LAPTM4A: variants seen among roughly 807,000 people sequenced by gnomAD.
The protein encoded by LAPTM4A is lysosomal-associated transmembrane protein 4A.
LAPTM4A carries 19 observed loss-of-function variants against 29.9 expected under a neutral mutation model. The observed-to-expected ratio is 0.64, with a 90% CI of 0.44 to 0.93. LAPTM4A has a LOEUF of 0.93. Ranked by LOEUF, LAPTM4A falls within the 40% of genes least tolerant of loss-of-function variation. The probability of loss-of-function intolerance (pLI) is 0.00; values close to 1 mark genes in which losing one functional copy is unlikely to be tolerated. For missense variants in LAPTM4A, 293 were observed against 288.5 expected, an observed-to-expected ratio of 1.02 and a Z score of -0.11; for synonymous variants, 105 against 102.1, an observed-to-expected ratio of 1.03 and a Z score of -0.17.
At chr2:20,043,320 T>C (rs1673846659) in intron 1 of LAPTM4A, among the ~76,000 whole-genome samples, 1 of 150,366 alleles carries the variant, frequency 6.7e-6, no homozygotes, top group Non-Finnish European at 1.5e-5. Flanking sequence ...GTTCAGGCCA[T>C]TCTCACACCT....
At chr2:20,042,814 C>T (rs1036898061) in intron 1 of LAPTM4A, among the ~76,000 whole-genome samples, 11 of 152,204 alleles carry the variant, frequency 7.2e-5, no homozygotes, top group African/African-American at 2.4e-4. Context: ...AGACAGAAAT[C>T]TCACGTAGGA....
At chr2:20,038,461 T>C (rs1404799936) in intron 2 of LAPTM4A, among the ~76,000 whole-genome samples, 1 of 152,212 alleles carries the variant, frequency 6.6e-6, no homozygotes, top group Non-Finnish European at 1.5e-5. Flanking sequence ...AGTCTTGCTC[T>C]GTCGCCCAGG....
chr2:20,049,572 C>A (rs1572401672), intron 1 of LAPTM4A, among the ~76,000 whole-genome samples: 1 of 152,288 alleles, frequency 6.6e-6, no homozygotes, highest in East Asian at 1.9e-4. Flanking sequence ...TCCTGCTATT[C>A]TATTCATTTT....
rs778184525 is a variant in LAPTM4A at position 20,037,407 on chromosome 2, C to G, written c.341G>C (p.Cys114Ser). ...GAGGACGAAGTCAAAAAGTCGGTAA[C>G]AGAAGAATGGAATCAGCCAACCCAC... ...YQVGWLIPFF[C>S]YRLFDFVLSC... Residue 114 changes from cysteine to serine, a missense_variant, in exon 4 of 7, where the codon TGT becomes TCT. Physicochemically the swap from Cys to Ser is moderately radical, Grantham distance 112. Coordinates refer to ENST00000175091, the MANE Select transcript of LAPTM4A (RefSeq NM_014713.5). 2 of 1,612,540 alleles carry G rather than the reference C, an allele frequency of 1.2e-6. 1 individual carries two copies. Among genetic ancestry groups the G allele is most frequent in the South Asian group, 2.2e-5 (2 of 90,872 alleles).
intron 6 of LAPTM4A, 79 bp downstream of exon 6, chr2:20,034,238 G>T: frequency 2.1e-6 from 2 of 972,874 alleles, no homozygotes; most frequent in Non-Finnish European, 1.7e-6. Context: ...GCATGAAAGA[G>T]AAAGTCAAGC....
rs949768625 is a variant in LAPTM4A, at chr2:20,051,601, G to C, written c.-81C>G. ...AGCCAAACTCAAACGGCTGTTTCAC[G>C]GCCTCCAAAACCCAACGACGCGTCT... On this transcript the variant is annotated 5_prime_UTR_variant, in exon 1 of 7. Coordinates refer to ENST00000175091, the MANE Select transcript of LAPTM4A (RefSeq NM_014713.5). The C allele has an allele frequency of 5.4e-6, 5 of 928,262 alleles. No individual in the cohort carries two copies. Among genetic ancestry groups the C allele is most frequent in the Admixed American group, 2.3e-5 (1 of 43,850 alleles). 57.5% of individuals were successfully genotyped at this position (928,262 alleles called of 1,614,324 possible).
intron 4 of LAPTM4A, among the ~76,000 whole-genome samples, chr2:20,036,412 T>A (rs1395974989): frequency 6.6e-6 from 1 of 152,244 alleles, no homozygotes; most frequent in East Asian, 1.9e-4. Context: ...ACCCATGTGA[T>A]ATCCACTCCC....
chr2:20,050,587 T>C (rs533817355), intron 1 of LAPTM4A, among the ~76,000 whole-genome samples: 1 of 152,292 alleles, frequency 6.6e-6, no homozygotes, highest in East Asian at 1.9e-4. Context: ...ATACTATAAA[T>C]GGTGAATTAC....
rs1673600120 is a variant in LAPTM4A at position 20,033,172 on chromosome 2, G to A, written c.*33C>T. On this transcript the variant is annotated 3_prime_UTR_variant, in exon 7 of 7. Transcript: ENST00000175091. ...CTGTAACATAAACAAACAAAAAGCTGGTATAGGATTTATTGTCAAAGGCAG... is the reference window on the plus strand; with the variant it reads ...CTGTAACATAAACAAACAAAAAGCTAGTATAGGATTTATTGTCAAAGGCAG... 2 of 1,537,188 alleles carry A rather than the reference G, an allele frequency of 1.3e-6. No individual in the cohort carries two copies. The highest frequency in any genetic ancestry group is 1.8e-6 in the Non-Finnish European group (2 of 1,110,154).
chr2:20,038,697 G>A lies in LAPTM4A; in HGVS notation c.233-1083C>T, dbSNP rs114792531. Among the ~76,000 whole-genome samples the A allele has an allele frequency of 5.4e-3, 819 of 152,166 alleles. 6 individuals carry two copies. Among genetic ancestry groups the A allele is most frequent in the Non-Finnish European group, 8.9e-3 (606 of 68,000 alleles). On this transcript the variant is annotated intron_variant, in intron 2 of 6. Coordinates refer to ENST00000175091, the MANE Select transcript of LAPTM4A (RefSeq NM_014713.5). The stretch of plus-strand genomic sequence containing the variant: ...GGGCAGAGATTAAGAAACTGGGGGG[G>A]ATGGGCACGGCAACCCACACCTGTA...
intron 2 of LAPTM4A, among the ~76,000 whole-genome samples, chr2:20,039,873 G>C (rs1673757688): frequency 6.6e-6 from 1 of 151,976 alleles, no homozygotes; most frequent in Non-Finnish European, 1.5e-5. Flanking sequence ...GACCAACATG[G>C]AGTAACTCTA....
intron 1 of LAPTM4A, among the ~76,000 whole-genome samples, chr2:20,043,538 A>G (rs1429031707): frequency 6.6e-6 from 1 of 152,182 alleles, no homozygotes; most frequent in African/African-American, 2.4e-5. Context: ...ATTTTAAACA[A>G]ACTATTATAT....
At chr2:20,050,180 G>A (rs549235827) in intron 1 of LAPTM4A, among the ~76,000 whole-genome samples, 48 of 152,234 alleles carry the variant, frequency 3.2e-4, no homozygotes, top group Non-Finnish European at 5.1e-4. Flanking sequence ...GAAACAAGAC[G>A]GTAAAAAACA....
At position 20,040,895 on chromosome 2, in the gene LAPTM4A, C is replaced by A; in HGVS notation, c.228G>T (p.Met76Ile). ...VIGNYYSSER[M>I]ADNACVLFAV... ...GTTTTTCTATTAAACACATACCAGC[C>A]ATTCTCTCAGACGAATAGTAATTAC... is the stretch of plus-strand genomic sequence containing the variant. The change falls in exon 2 of 7, where the codon ATG becomes ATT. Residue 76 changes from methionine (M) to isoleucine (I), a missense_variant. Transcript: ENST00000175091. 1 of 1,613,396 alleles carries A rather than the reference C, an allele frequency of 6.2e-7. No homozygotes were observed. The highest frequency in any genetic ancestry group is 1.1e-5 in the South Asian group (1 of 90,988).
At chr2:20,033,315 C>A (rs1673612357) in intron 6 of LAPTM4A, 36 bp from the exon 7 acceptor site, 1 of 1,501,268 alleles carries the variant, frequency 6.7e-7, no homozygotes, top group Non-Finnish European at 9.3e-7. Context: ...AGATTTAATT[C>A]TCCTTTAAAA....
intron 1 of LAPTM4A, among the ~76,000 whole-genome samples, chr2:20,051,002 T>C (rs184477870): frequency 2.0e-5 from 3 of 152,298 alleles, no homozygotes; most frequent in Admixed American, 2.0e-4. Flanking sequence ...ATTATTTCAT[T>C]AGAGGAAAAA....
chr2:20,035,001 A>G lies in LAPTM4A; in HGVS notation c.494T>C (p.Val165Ala). The G allele has an allele frequency of 1.2e-6, 2 of 1,612,832 alleles. No individual in the cohort carries two copies. The highest frequency in any genetic ancestry group is 1.7e-6 in the Non-Finnish European group (2 of 1,179,124). ...ALDSSCLLFI[V>A]LVFFALFIIF... ...GATGAATAAGGCAAAGAACACAAGA[A>G]CAATGAACAGGAGGCAGCTGGAGTC... The change falls in exon 5 of 7, where the codon GTT (valine) becomes GCT (alanine). Residue 165 changes from valine (V) to alanine (A), a missense_variant. By Grantham distance (64) the Val-to-Ala change is moderately conservative. Transcript: ENST00000175091.
At chr2:20,042,299 G>A (rs1317580416) in intron 1 of LAPTM4A, among the ~76,000 whole-genome samples, 2 of 152,192 alleles carry the variant, frequency 1.3e-5, no homozygotes, top group Non-Finnish European at 2.9e-5. Context: ...AATATCACAT[G>A]AGAGTAACTC....
At position 20,037,387 on chromosome 2, in the gene LAPTM4A, C is replaced by T. The variant is rs201916475; in HGVS notation, c.361G>A (p.Val121Ile). 5.0e-5 allele frequency: 80 copies of T among 1,612,436 alleles called. 2 individuals are homozygous for T. In the South Asian group the frequency reaches 8.3e-4, roughly 17 times the overall value. Reference protein sequence around the residue: ...PFFCYRLFDFVLSCLVAISSL... With the variant: ...PFFCYRLFDFILSCLVAISSL... ...CTAATAGCAACCAGGCAACTGAGGA[C>T]GAAGTCAAAAAGTCGGTAACAGAAG... Residue 121 changes from valine (V) to isoleucine (I), a missense_variant, in exon 4 of 7, where the codon GTC (valine) becomes ATC (isoleucine). Val to Ile is a conservative substitution (Grantham distance 29). Transcript: ENST00000175091.
Sources: allele counts gnomAD v4.1 joint callset (sites outside exome capture counted in the v4.1 genomes callset), GRCh38; gene constraint gnomAD v4.1.1; transcripts MANE v1.5; gene names NCBI Gene and HGNC (gene_info 2026-07-23, HGNC 2026-07-21).